PTPRR: variants seen among roughly 807,000 people sequenced by gnomAD.
PTPRR encodes the protein protein tyrosine phosphatase receptor type R, also known as receptor-type tyrosine-protein phosphatase R.
Under a neutral mutation model 77.2 loss-of-function variants are expected in PTPRR, and 38 were observed. The observed-to-expected ratio is 0.49, with a 90% CI of 0.38 to 0.65. The LOEUF is 0.65. Among genes scored for constraint, PTPRR ranks in the 30% least tolerant of loss-of-function variants. The pLI is 0.00. For missense variants in PTPRR, 744 were observed against 799.2 expected (o/e 0.93, Z 0.83); for synonymous variants, 299 against 283.1 (o/e 1.06, Z -0.57).
intron 13 of PTPRR, among the ~76,000 whole-genome samples, chr12:70,645,593 C>T (rs1282381152): frequency 6.6e-6 from 1 of 152,094 alleles, no homozygotes; most frequent in Non-Finnish European, 1.5e-5. Flanking sequence ...AAAGTCATTC[C>T]CTTTATTGCA....
At chr12:70,798,680 T>A (rs559405414) in intron 2 of PTPRR, among the ~76,000 whole-genome samples, 3 of 152,212 alleles carry the variant, frequency 2.0e-5, no homozygotes, top group Non-Finnish European at 4.4e-5. Flanking sequence ...CTCTGATTCA[T>A]CAGATCTTGA....
At chr12:70,672,981 G>T in intron 10 of PTPRR, 1 of 1,336,276 alleles carries the variant, frequency 7.5e-7, no homozygotes, top group Non-Finnish European at 9.8e-7. Context: ...CCTCTTCTAG[G>T]TAGAAGGGAG....
intron 2 of PTPRR, among the ~76,000 whole-genome samples, chr12:70,825,936 T>C (rs973344997): frequency 1.3e-5 from 2 of 152,220 alleles, no homozygotes; most frequent in African/African-American, 2.4e-5. Context: ...ATATCACAAC[T>C]CTTTTTATAA....
chr12:70,656,397 G>A (rs1040669261), intron 13 of PTPRR, among the ~76,000 whole-genome samples: 23 of 151,988 alleles, frequency 1.5e-4, no homozygotes, highest in Non-Finnish European at 3.1e-4. Flanking sequence ...CAGGCATGGC[G>A]CACACCTGTA....
intron 2 of PTPRR, among the ~76,000 whole-genome samples, chr12:70,818,817 A>G (rs1891953699): frequency 7.4e-6 from 1 of 134,984 alleles, no homozygotes; most frequent in African/African-American, 3.6e-5. Context: ...CTCACTTCAC[A>G]GGTATCTATT....
chr12:70,697,765 T>C (rs1888279281), intron 8 of PTPRR, among the ~76,000 whole-genome samples: 1 of 152,176 alleles, frequency 6.6e-6, no homozygotes, highest in Non-Finnish European at 1.5e-5. Flanking sequence ...GATATCTGGT[T>C]GTTTCTGCTC....
At position 70,777,741 on chromosome 12, in the gene PTPRR, C is replaced by T. The variant is rs528577150; in HGVS notation, c.358-12963G>A. 1.6e-4 allele frequency among the ~76,000 whole-genome samples: 24 copies of T among 152,268 alleles called. No homozygotes were observed. The East Asian group carries it at 4.1e-3, about 26-fold the overall frequency. On this transcript the variant is annotated intron_variant, in intron 2 of 13. Coordinates refer to ENST00000283228, the MANE Select transcript of PTPRR (RefSeq NM_002849.4). Reference sequence around the variant, plus strand: ...TGGGTCCAGGGTCACCCTAAAACTGCATTAAAAATGGTGGAGCTACACAAA... The same window carrying T: ...TGGGTCCAGGGTCACCCTAAAACTGTATTAAAAATGGTGGAGCTACACAAA...
At chr12:70,875,835 A>G (rs1168800114) in intron 2 of PTPRR, among the ~76,000 whole-genome samples, 1 of 152,210 alleles carries the variant, frequency 6.6e-6, no homozygotes, top group Non-Finnish European at 1.5e-5. Flanking sequence ...CTGTTGAGAA[A>G]GAGATAACCC....
At chr12:70,821,956 G>A (rs928815286) in intron 2 of PTPRR, among the ~76,000 whole-genome samples, 28 of 152,156 alleles carry the variant, frequency 1.8e-4, no homozygotes, top group Admixed American at 4.6e-4. Flanking sequence ...GAGCCACCAC[G>A]CCCGGCCGAA....
chr12:70,773,521 G>T (rs894818276), intron 2 of PTPRR, among the ~76,000 whole-genome samples: 4 of 152,152 alleles, frequency 2.6e-5, no homozygotes, highest in South Asian at 4.1e-4. Context: ...GGCTGGGAAG[G>T]TCCATTAGAA....
At chr12:70,754,812 CT>C (rs200305919) in intron 4 of PTPRR, 77,094 of 974,724 alleles carry the variant, frequency 0.079, 29 homozygotes, top group East Asian at 0.11. Flanking sequence ...TTAATCACAT[CT>C]TTTTTTTTTT....
chr12:70,796,005 C>G (rs1263410511), intron 2 of PTPRR, among the ~76,000 whole-genome samples: 1 of 132,328 alleles, frequency 7.6e-6, no homozygotes, highest in Non-Finnish European at 1.6e-5. Flanking sequence ...TTCACTGCAA[C>G]TTCTGCCTCC....
intron 10 of PTPRR, among the ~76,000 whole-genome samples, chr12:70,678,970 C>T (rs560422119): frequency 6.6e-6 from 1 of 152,312 alleles, no homozygotes; most frequent in Admixed American, 6.5e-5. Context: ...GCGTAAGCCA[C>T]GCTGCCCAGC....
In PTPRR at chr12:70,638,364, A is replaced by G. The variant is rs1000657227; in HGVS notation, c.*820T>C. On this transcript the variant is annotated 3_prime_UTR_variant, in exon 14 of 14. Transcript: ENST00000283228. ...CAAAAATCCCTTCTTAGCAAAAGAGAGACAAGTAGTTAAAACTCTTGATAC... is the reference window on the plus strand; with the variant it reads ...CAAAAATCCCTTCTTAGCAAAAGAGGGACAAGTAGTTAAAACTCTTGATAC... The G allele has an allele frequency of 6.6e-6, 1 of 152,502 alleles. No individual in the cohort carries two copies. Among genetic ancestry groups the G allele is most frequent in the African/African-American group, 2.4e-5 (1 of 41,450 alleles). 9.4% of individuals were successfully genotyped at this position (152,502 alleles called of 1,614,324 possible). A position where few individuals can be genotyped will look rare whatever the true frequency, so the allele number is the denominator to read the frequency against.
At chr12:70,641,424 T>C (rs1163686457) in intron 13 of PTPRR, among the ~76,000 whole-genome samples, 4 of 152,224 alleles carry the variant, frequency 2.6e-5, no homozygotes, top group Admixed American at 2.0e-4. Flanking sequence ...AGACACAGTT[T>C]AGAATTTAAT....
intron 2 of PTPRR, among the ~76,000 whole-genome samples, chr12:70,768,102 G>T (rs1298234514): frequency 1.3e-5 from 2 of 152,020 alleles, no homozygotes; most frequent in Admixed American, 6.6e-5. Flanking sequence ...ACAATTAAAA[G>T]AACTAGAAAA....
intron 2 of PTPRR, among the ~76,000 whole-genome samples, chr12:70,859,094 C>G (rs1294923800): frequency 6.6e-6 from 1 of 151,996 alleles, no homozygotes; most frequent in African/African-American, 2.4e-5. Context: ...CAACTTCTGC[C>G]AGTTCTGACA....
At chr12:70,908,344 T>C (rs1438163806) in intron 1 of PTPRR, among the ~76,000 whole-genome samples, 1 of 152,128 alleles carries the variant, frequency 6.6e-6, no homozygotes, top group Non-Finnish European at 1.5e-5. Context: ...TACCAGAGAC[T>C]GGGTAACTTA....
chr12:70,669,589 A>C (rs140577746), intron 10 of PTPRR, among the ~76,000 whole-genome samples: 2,934 of 102,860 alleles, frequency 0.029, 59 homozygotes, highest in African/African-American at 0.057. Flanking sequence ...CACACACACA[A>C]GCTTGCACAC....
Sources: gnomAD v4.1 joint callset for allele counts (sites outside exome capture counted in the v4.1 genomes callset) on GRCh38, gnomAD v4.1.1 for gene constraint, MANE v1.5 for transcripts, NCBI Gene and HGNC (gene_info 2026-07-23, HGNC 2026-07-21) for gene names.